GALNT13: variants seen among roughly 807,000 people sequenced by gnomAD.
GALNT13 encodes the protein polypeptide N-acetylgalactosaminyltransferase 13.
In GALNT13, 28 loss-of-function variants were observed where a neutral mutation model predicts 64.2. The observed-to-expected ratio is 0.44, with a 90% CI of 0.32 to 0.60. The LOEUF (loss-of-function observed/expected upper bound fraction) is 0.60. GALNT13 is among the 20% of genes least tolerant of loss of function. The pLI, the probability that GALNT13 is intolerant of heterozygous loss-of-function variation, is 0.05. For synonymous variants in GALNT13, 214 were observed against 224.6 expected (o/e 0.95, Z 0.42); for missense variants, 577 against 669.8 (o/e 0.86, Z 1.53).
At chr2:153,647,475 TC>T in the GALNT13 span, among the ~76,000 whole-genome samples, 9 of 152,210 alleles carry the variant, frequency 5.9e-5, no homozygotes, top group African/African-American at 2.2e-4. Context: ...TTTAATTAGA[TC>T]CCATTTGTCA....
At chr2:153,634,542 CTTTTTTTTTTT>C in the GALNT13 span, among the ~76,000 whole-genome samples, 15 of 91,240 alleles carry the variant, frequency 1.6e-4, no homozygotes, top group African/African-American at 6.0e-4. Context: ...AGATGGAAAT[CTTTTTTTTTTT>C]TTTTTTTTTT....
chr2:154,333,555 C>G lies in GALNT13; in HGVS notation c.1156+31966C>G, dbSNP rs1695281376. Among the ~76,000 whole-genome samples the G allele has an allele frequency of 2.6e-5, 4 of 152,038 alleles. No homozygotes were observed. The South Asian group carries it at 8.3e-4, about 32-fold the overall frequency. ...ACAAAATAATTGATGAAAGCAAAAACAAATTGCACATCTTCAATTGTGTAA... is the reference window on the plus strand; with the variant it reads ...ACAAAATAATTGATGAAAGCAAAAAGAAATTGCACATCTTCAATTGTGTAA... On this transcript the variant is annotated intron_variant, in intron 9 of 12. Transcript: ENST00000392825.
intron 3 of GALNT13, among the ~76,000 whole-genome samples, chr2:154,041,784 A>G (rs1698992589): frequency 1.4e-5 from 2 of 140,584 alleles, no homozygotes; most frequent in African/African-American, 4.9e-5. Flanking sequence ...GTTGAAGACA[A>G]TGTTTATAGT....
chr2:154,298,670 C>A (rs187985120), intron 8 of GALNT13, among the ~76,000 whole-genome samples: 1,181 of 5,778 alleles, frequency 0.2, 295 homozygotes, highest in African/African-American at 0.35. Context: ...TTTATATATA[C>A]ATTGTATATA....
chr2:153,203,567 A>C, the GALNT13 span, among the ~76,000 whole-genome samples: 1 of 152,194 alleles, frequency 6.6e-6, no homozygotes, highest in African/African-American at 2.4e-5. Flanking sequence ...TTCCCCATGG[A>C]AAATGGATAT....
chr2:153,804,339 T>C, the GALNT13 span, among the ~76,000 whole-genome samples: 13 of 152,284 alleles, frequency 8.5e-5, no homozygotes, highest in Middle Eastern at 6.8e-3. Context: ...TAATTTTCTT[T>C]TTATGTTTTA....
the GALNT13 span, among the ~76,000 whole-genome samples, chr2:153,328,856 A>G: frequency 6.6e-6 from 1 of 151,792 alleles, no homozygotes; most frequent in Non-Finnish European, 1.5e-5. Flanking sequence ...TGGGGTACAG[A>G]AAAAAAACTC....
the GALNT13 span, among the ~76,000 whole-genome samples, chr2:153,390,499 A>G: frequency 0.02 from 3,047 of 152,220 alleles, 95 homozygotes; most frequent in African/African-American, 0.068. Context: ...CACATTGGAA[A>G]TGATAAAGAT....
At chr2:153,948,241 T>TA (rs34459679) in intron 3 of GALNT13, among the ~76,000 whole-genome samples, 23 of 148,082 alleles carry the variant, frequency 1.6e-4, no homozygotes, top group Middle Eastern at 3.5e-3. Context: ...TTAATGGGAC[T>TA]AAAAAAAAAA....
chr2:154,379,543 T>G (rs1698168279), intron 9 of GALNT13, among the ~76,000 whole-genome samples: 3 of 152,210 alleles, frequency 2.0e-5, no homozygotes, highest in Middle Eastern at 6.9e-3. Flanking sequence ...GATTCTCATG[T>G]ATTTAAAACA....
At chr2:153,264,530 A>G in the GALNT13 span, among the ~76,000 whole-genome samples, 1 of 152,264 alleles carries the variant, frequency 6.6e-6, no homozygotes, top group African/African-American at 2.4e-5. Flanking sequence ...AAGACATGGA[A>G]TCAACCAAAA....
At chr2:153,078,071 T>C in the GALNT13 span, among the ~76,000 whole-genome samples, 1 of 152,148 alleles carries the variant, frequency 6.6e-6, no homozygotes. Flanking sequence ...TTTCTCACTT[T>C]CCTTCTACCC....
At chr2:154,424,553 T>C (rs1476429513) in intron 11 of GALNT13, among the ~76,000 whole-genome samples, 2 of 152,114 alleles carry the variant, frequency 1.3e-5, no homozygotes, top group Admixed American at 6.6e-5. Context: ...CAAAAGAGGC[T>C]GCTTTGCCCA....
intron 3 of GALNT13, among the ~76,000 whole-genome samples, chr2:154,067,003 TAC>T (rs1428336849): frequency 2.0e-5 from 3 of 152,198 alleles, no homozygotes; most frequent in Non-Finnish European, 4.4e-5. Context: ...AAAGTTAAAG[TAC>T]AGTGTTTTTA....
chr2:153,919,296 C>G (rs1175003487), intron 2 of GALNT13, among the ~76,000 whole-genome samples: 1 of 151,944 alleles, frequency 6.6e-6, no homozygotes, highest in East Asian at 1.9e-4. Flanking sequence ...TTTACCTCTT[C>G]TGATATTCAG....
chr2:154,211,195 G>T (rs1161242587), intron 4 of GALNT13, among the ~76,000 whole-genome samples: 1 of 151,984 alleles, frequency 6.6e-6, no homozygotes, highest in African/African-American at 2.4e-5. Context: ...TTACCATATA[G>T]CCTATTACAC....
chr2:154,396,246 T>C (rs923742103), intron 10 of GALNT13, 116 bp downstream of exon 10: 7 of 541,988 alleles, frequency 1.3e-5, no homozygotes, highest in Admixed American at 1.2e-4. Flanking sequence ...TAATTAGATC[T>C]GTTTTAAACA....
At chr2:153,141,550 A>C in the GALNT13 span, among the ~76,000 whole-genome samples, 2 of 151,990 alleles carry the variant, frequency 1.3e-5, no homozygotes, top group African/African-American at 4.8e-5. Flanking sequence ...GCAGTTCTCA[A>C]CTGGGAGCTG....
At chr2:154,057,029 T>G (rs927582172) in intron 3 of GALNT13, among the ~76,000 whole-genome samples, 3 of 151,874 alleles carry the variant, frequency 2.0e-5, no homozygotes, top group African/African-American at 4.8e-5. Flanking sequence ...TATTTTTATT[T>G]TATTTTATTT....
Sources: allele counts gnomAD v4.1 joint callset (sites outside exome capture counted in the v4.1 genomes callset), GRCh38; gene constraint gnomAD v4.1.1; transcripts MANE v1.5; gene names NCBI Gene and HGNC (gene_info 2026-07-23, HGNC 2026-07-21).